Variants in PDZD2 observed in about 807,000 individuals in gnomAD.
PDZD2 encodes PDZ domain containing 2.
A neutral mutation model predicts 220.7 loss-of-function variants in PDZD2; 90 were observed. The ratio of observed to expected loss-of-function variants is 0.41; its 90% confidence interval spans 0.34 to 0.49. The LOEUF (loss-of-function observed/expected upper bound fraction) is 0.49. PDZD2 is among the 20% of genes least tolerant of loss of function. The probability of loss-of-function intolerance (pLI) is 0.28; values close to 1 mark genes in which losing one functional copy is unlikely to be tolerated. For missense variants in PDZD2, 3,174 were observed against 3,608.5 expected, an observed-to-expected ratio of 0.88 and a Z score of 3.08; for synonymous variants, 1,375 against 1,450.5, an observed-to-expected ratio of 0.95 and a Z score of 1.18.
chr5:32,102,394 T>C (rs1266081036), intron 24 of PDZD2, among the ~76,000 whole-genome samples: 1 of 151,824 alleles, frequency 6.6e-6, no homozygotes, highest in Non-Finnish European at 1.5e-5. Context: ...GCCAGTAAAC[T>C]GTGGTCACAA....
intron 19 of PDZD2, 58 bp downstream of exon 19, chr5:32,077,664 A>G: frequency 1.3e-6 from 2 of 1,559,600 alleles, no homozygotes; most frequent in Non-Finnish European, 1.8e-6. Flanking sequence ...CCCTAATGAA[A>G]GCATTATACA....
rs77949150 is a variant in PDZD2 at position 32,017,483 on chromosome 5, T to C, written c.1407+7001T>C. Among the ~76,000 whole-genome samples the C allele has an allele frequency of 3.9e-3, 588 of 152,080 alleles. 2 individuals are homozygous for C. Among genetic ancestry groups the C allele is most frequent in the African/African-American group, 0.013 (547 of 41,494 alleles). On this transcript the variant is annotated intron_variant, in intron 6 of 24. Transcript: ENST00000438447. ...AGAAAAAAATAGTTTAAAATGGCCT[T>C]GGCACATAGTGGACATTTGTTTCTG...
intron 2 of PDZD2, among the ~76,000 whole-genome samples, chr5:31,885,162 A>G (rs1236631664): frequency 6.6e-6 from 1 of 151,142 alleles, no homozygotes; most frequent in Non-Finnish European, 1.5e-5. Flanking sequence ...AAACGGCAAA[A>G]AAAAAAAAAA....
intron 1 of PDZD2, among the ~76,000 whole-genome samples, chr5:31,689,340 T>TGC: frequency 4.4e-5 from 2 of 45,006 alleles, no homozygotes; most frequent in African/African-American, 3.3e-4. Flanking sequence ...CATATACATA[T>TGC]ATATATATAT....
intron 2 of PDZD2, among the ~76,000 whole-genome samples, chr5:31,937,855 G>T (rs1339664976): frequency 1.3e-5 from 2 of 152,216 alleles, no homozygotes; most frequent in Non-Finnish European, 2.9e-5. Context: ...TTGGGGACAG[G>T]TTCCTTCCCA....
chr5:31,873,531 CTTTT>C (rs1169811629), intron 2 of PDZD2, among the ~76,000 whole-genome samples: 55 of 137,128 alleles, frequency 4.0e-4, no homozygotes, highest in African/African-American at 1.3e-3. Context: ...ATTGAAAATT[CTTTT>C]TATTTATTTA....
intron 7 of PDZD2, among the ~76,000 whole-genome samples, chr5:32,040,780 C>T (rs1756039883): frequency 6.7e-6 from 1 of 150,158 alleles, no homozygotes; most frequent in East Asian, 2.0e-4. Context: ...CTCTGCCCGG[C>T]CGCCACCCCG....
chr5:31,901,433 A>C (rs895619490), intron 2 of PDZD2, among the ~76,000 whole-genome samples: 4 of 150,800 alleles, frequency 2.7e-5, no homozygotes, highest in African/African-American at 9.7e-5. Context: ...AAAAAAAAGA[A>C]GAAGAAAGGT....
rs1364281438 is a variant in PDZD2 at position 31,964,712 on chromosome 5, CT to C, written c.477-18435del. On this transcript the variant is annotated intron_variant, in intron 2 of 24. Transcript: ENST00000438447. ...GTACAAAACTAATTGCGGTTTTTGC[CT>C]TTTTTTTATTTTTATTTTTTGAGGC... is the stretch of plus-strand genomic sequence containing the variant. Among the ~76,000 whole-genome samples the C allele has an allele frequency of 3.9e-5, 6 of 152,032 alleles. No individual in the cohort carries two copies. The East Asian group carries it at 5.8e-4, about 15-fold the overall frequency.
intron 1 of PDZD2, among the ~76,000 whole-genome samples, chr5:31,795,133 T>C (rs1753952480): frequency 6.6e-6 from 1 of 152,236 alleles, no homozygotes; most frequent in South Asian, 2.1e-4. Context: ...TTAACTTCTC[T>C]GTAACATGAG....
intron 2 of PDZD2, among the ~76,000 whole-genome samples, chr5:31,971,373 A>C (rs1351404422): frequency 6.6e-6 from 1 of 152,180 alleles, no homozygotes; most frequent in African/African-American, 2.4e-5. Context: ...CAGTCCTTTT[A>C]TTAGGTAGCT....
chr5:31,663,165 T>A (rs1188792890), intron 1 of PDZD2, among the ~76,000 whole-genome samples: 2 of 152,230 alleles, frequency 1.3e-5, no homozygotes, highest in Non-Finnish European at 2.9e-5. Context: ...AAAAATATCC[T>A]GTTTCTGTTA....
At chr5:31,985,939 G>A (rs1750676738) in intron 3 of PDZD2, among the ~76,000 whole-genome samples, 1 of 151,878 alleles carries the variant, frequency 6.6e-6, no homozygotes, top group African/African-American at 2.4e-5. Flanking sequence ...GCCGGGCATG[G>A]TGGTGCATGC....
intron 2 of PDZD2, among the ~76,000 whole-genome samples, chr5:31,819,486 G>A (rs1211151283): frequency 1.3e-5 from 2 of 151,832 alleles, no homozygotes; most frequent in Non-Finnish European, 2.9e-5. Context: ...GTAAAACCCC[G>A]TCTCTACTAA....
At chr5:31,950,262 C>T (rs1029634532) in intron 2 of PDZD2, among the ~76,000 whole-genome samples, 14 of 152,138 alleles carry the variant, frequency 9.2e-5, no homozygotes, top group African/African-American at 1.9e-4. Flanking sequence ...TAGCATTCTA[C>T]GCTGTTAACT....
intron 17 of PDZD2, 95 bp from the exon 18 acceptor site, chr5:32,073,736 TG>T: frequency 1.3e-6 from 1 of 790,824 alleles, no homozygotes. Context: ...TTAGTGAATG[TG>T]GAAATGCTTA....
At chr5:31,784,663 C>T (rs1753269442) in intron 1 of PDZD2, among the ~76,000 whole-genome samples, 1 of 151,838 alleles carries the variant, frequency 6.6e-6, no homozygotes, top group African/African-American at 2.4e-5. Flanking sequence ...AATCCCAGCA[C>T]TTTGGGAGAC....
Position 31,782,994 on chromosome 5 carries a change from G to A in PDZD2, c.-360-15895G>A, listed in dbSNP as rs545305501. 1.5e-3 allele frequency among the ~76,000 whole-genome samples: 228 copies of A among 152,204 alleles called. 7 individuals carry two copies. The South Asian group carries it at 0.034, about 23-fold the overall frequency. On this transcript the variant is annotated intron_variant, in intron 1 of 24. Coordinates refer to ENST00000438447, the MANE Select transcript of PDZD2 (RefSeq NM_178140.4). ...CCCACAAAGTGCTGGGATTACAGGC[G>A]TGAGCCACCGTGCCTGGCCACCACT...
chr5:31,698,584 G>A (rs925097061), intron 1 of PDZD2, among the ~76,000 whole-genome samples: 1 of 149,754 alleles, frequency 6.7e-6, no homozygotes, highest in African/African-American at 2.5e-5. Flanking sequence ...GGGCGACAGA[G>A]CGAGACTCTG....
Sources: gnomAD v4.1 joint callset for allele counts (sites outside exome capture counted in the v4.1 genomes callset) on GRCh38, gnomAD v4.1.1 for gene constraint, MANE v1.5 for transcripts, NCBI Gene and HGNC (gene_info 2026-07-23, HGNC 2026-07-21) for gene names.